The following FHL1 variants were observed in gnomAD, a reference collection of about 807,000 sequenced individuals.
The protein encoded by FHL1 is four and a half LIM domains 1.
In FHL1, 1 loss-of-function variant was observed where a neutral mutation model predicts 20.3. That is an observed-to-expected ratio of 0.05 (90% confidence interval 0.02 to 0.23). The LOEUF (loss-of-function observed/expected upper bound fraction) is 0.23. Among genes scored for constraint, FHL1 ranks in the 10% least tolerant of loss-of-function variants. The probability of loss-of-function intolerance (pLI) is 1.00; values close to 1 mark genes in which losing one functional copy is unlikely to be tolerated. For synonymous variants in FHL1, 82 were observed against 88.9 expected (o/e 0.92, Z 0.44); for missense variants, 177 against 234.0 (o/e 0.76, Z 1.59).
At chrX:136,192,906 C>T (rs774539066), upstream of FHL1, among the ~76,000 whole-genome samples, 5 of 111,719 alleles carry the variant, frequency 4.5e-5, no homozygotes, top group Non-Finnish European at 9.4e-5. Context: ...CTGGAGAGCT[C>T]AACATTGAAT....
At chrX:136,182,053 C>A (rs951502213) in intron 2 of FHL1, among the ~76,000 whole-genome samples, 2 of 111,525 alleles carry the variant, frequency 1.8e-5, no homozygotes, top group African/African-American at 3.3e-5. Context: ...AATTTAGGAG[C>A]CTTATTTTAA....
intron 1 of FHL1, among the ~76,000 whole-genome samples, chrX:136,157,224 G>T (rs773565460): frequency 9.0e-6 from 1 of 111,489 alleles, no homozygotes; most frequent in East Asian, 2.8e-4. Flanking sequence ...TAAGTTGCTT[G>T]TCAAAGACTC....
intron 1 of FHL1, among the ~76,000 whole-genome samples, chrX:136,149,878 G>T (rs952015473): frequency 8.1e-5 from 9 of 111,766 alleles, no homozygotes; most frequent in Admixed American, 5.7e-4. Context: ...TTACACTATT[G>T]TATTATAATG....
At chrX:136,178,554 C>T (rs1299417732) in intron 2 of FHL1, among the ~76,000 whole-genome samples, 3 of 109,334 alleles carry the variant, frequency 2.7e-5, no homozygotes, top group Non-Finnish European at 3.8e-5. Flanking sequence ...AGAGATCGCA[C>T]GACTACACTC....
At chrX:136,151,317 C>T (rs1179294164) in intron 1 of FHL1, among the ~76,000 whole-genome samples, 2 of 113,038 alleles carry the variant, frequency 1.8e-5, no homozygotes, top group African/African-American at 6.4e-5. Context: ...GTAATTTCCT[C>T]TACATAATGT....
At chrX:136,168,868 G>C (rs761311622), upstream of FHL1, among the ~76,000 whole-genome samples, 5 of 111,595 alleles carry the variant, frequency 4.5e-5, no homozygotes, top group South Asian at 1.9e-3. Flanking sequence ...AGCATAGGGT[G>C]GGAGGGGTGG....
At chrX:136,197,972 T>TTC (rs2073603962) in intron 1 of FHL1, among the ~76,000 whole-genome samples, 2 of 111,213 alleles carry the variant, frequency 1.8e-5, no homozygotes, top group Admixed American at 1.9e-4. Context: ...ATCTATGTTT[T>TTC]TTTTTTTTTT....
At chrX:136,187,910 G>C (rs967091468) in intron 2 of FHL1, among the ~76,000 whole-genome samples, 2 of 111,743 alleles carry the variant, frequency 1.8e-5, no homozygotes, top group Non-Finnish European at 3.8e-5. Flanking sequence ...GCCCAGGCTA[G>C]TCTTGAACTC....
chrX:136,194,961 A>G (rs1490778812), upstream of FHL1, among the ~76,000 whole-genome samples: 1 of 111,652 alleles, frequency 9.0e-6, no homozygotes, highest in Non-Finnish European at 1.9e-5. Context: ...GTTGATGCAA[A>G]TGGAAGTAAC....
intron 3 of FHL1, 32 bp from the exon 4 acceptor site, chrX:136,207,760 C>T (rs1326220587): frequency 2.5e-6 from 3 of 1,204,636 alleles, no homozygotes; most frequent in Non-Finnish European, 3.4e-6. Flanking sequence ...CAGAGCCTGT[C>T]AGTGGGGCTA....
chrX:136,184,237 A>AT (rs1300323540), intron 2 of FHL1, among the ~76,000 whole-genome samples: 1 of 111,887 alleles, frequency 8.9e-6, no homozygotes, highest in East Asian at 2.8e-4. Flanking sequence ...AGTGTTCCTT[A>AT]TTTTAATTTT....
chrX:136,197,068 G>A lies in FHL1; in HGVS notation c.-45G>A. ...CCACAGCCTTATCAGCTGGGGTTGA[G>A]GGAAGACTGGTCTAGGTGCTGCTCC... is the stretch of plus-strand genomic sequence containing the variant. On this transcript the variant is annotated 5_prime_UTR_variant, in exon 1 of 6. Coordinates refer to ENST00000370683, the MANE Select transcript of FHL1 (RefSeq NM_001159699.2). 8.4e-7 allele frequency: 1 copy of A among 1,195,232 alleles called. No homozygotes were observed. Among genetic ancestry groups the A allele is most frequent in the Non-Finnish European group, 1.1e-6 (1 of 882,886 alleles).
At chrX:136,171,872 A>T (rs1313646561) in intron 2 of FHL1, among the ~76,000 whole-genome samples, 2 of 85,565 alleles carry the variant, frequency 2.3e-5, no homozygotes, top group Non-Finnish European at 4.8e-5. Context: ...TATTTTTTTA[A>T]ATTTTTTATT....
rs1251743144 is a variant in FHL1 at position 136,210,617 on chromosome X, C to G, written c.*592C>G. The G allele has an allele frequency of 1.0e-5, 4 of 388,907 alleles. No individual in the cohort carries two copies. In the East Asian group the frequency reaches 1.6e-4, roughly 15 times the overall value. The allele number at this position is 388,907 out of a possible 1,213,427, so 32.1% of individuals were successfully genotyped here. A position where few individuals can be genotyped will look rare whatever the true frequency, so the allele number is the denominator to read the frequency against. Reference sequence around the variant, plus strand: ...AACTTAGCTGTAATTCTAAACTGACCTTTCCCCGTACTAACGTTTGGTTTC... The same window carrying G: ...AACTTAGCTGTAATTCTAAACTGACGTTTCCCCGTACTAACGTTTGGTTTC... On this transcript the variant is annotated 3_prime_UTR_variant, in exon 6 of 6. Transcript: ENST00000370683.
chrX:136,156,016 A>G (rs1266345758), intron 1 of FHL1, among the ~76,000 whole-genome samples: 1 of 110,295 alleles, frequency 9.1e-6, no homozygotes, highest in Non-Finnish European at 1.9e-5. Context: ...ACAGCTTCCT[A>G]TAGTACACTA....
intron 2 of FHL1, among the ~76,000 whole-genome samples, chrX:136,187,866 A>C (rs1023917876): frequency 2.7e-5 from 3 of 112,075 alleles, no homozygotes; most frequent in Non-Finnish European, 3.8e-5. Flanking sequence ...AAATTATTTT[A>C]AATTTTACTT....
intron 2 of FHL1, among the ~76,000 whole-genome samples, chrX:136,179,619 T>G (rs903033751): frequency 1.8e-4 from 20 of 112,166 alleles, no homozygotes; most frequent in African/African-American, 6.5e-4. Flanking sequence ...TGCCAGAGAC[T>G]TAGTAGGCAT....
chrX:136,171,172 A>G (rs974415947), intron 2 of FHL1, among the ~76,000 whole-genome samples: 11 of 111,515 alleles, frequency 9.9e-5, no homozygotes, highest in Admixed American at 9.6e-4. Flanking sequence ...CTGCTGCTGG[A>G]GATGGAATCT....
chrX:136,164,772 G>A (rs565477219), upstream of FHL1, among the ~76,000 whole-genome samples: 5 of 111,165 alleles, frequency 4.5e-5, no homozygotes, highest in South Asian at 1.1e-3. Context: ...TATTTTACAG[G>A]GTTGCATATA....
Sources: gnomAD v4.1 joint callset for allele counts (sites outside exome capture counted in the v4.1 genomes callset) on GRCh38, gnomAD v4.1.1 for gene constraint, MANE v1.5 for transcripts, NCBI Gene and HGNC (gene_info 2026-07-23, HGNC 2026-07-21) for gene names.